The following DOCK1 variants were observed in gnomAD, a reference collection of about 807,000 sequenced individuals.
DOCK1 encodes dedicator of cytokinesis protein 1.
In DOCK1, 138 loss-of-function variants were observed where a neutral mutation model predicts 262.7. The ratio of observed to expected loss-of-function variants is 0.53; its 90% confidence interval spans 0.46 to 0.61. The LOEUF is 0.61. DOCK1 is among the 20% of genes least tolerant of loss of function. The pLI, the probability that DOCK1 is intolerant of heterozygous loss-of-function variation, is 0.00. For missense variants in DOCK1, 1,908 were observed against 2,370.7 expected (o/e 0.80, Z 4.05); for synonymous variants, 866 against 867.4 (o/e 1.00, Z 0.03).
chr10:127,095,605 C>T (rs749110377), intron 23 of DOCK1, among the ~76,000 whole-genome samples: 1 of 151,828 alleles, frequency 6.6e-6, no homozygotes, highest in South Asian at 2.1e-4. Context: ...ACCCAAAGGC[C>T]GAGGAATTTT....
At chr10:127,062,906 C>T (rs1392151860) in intron 23 of DOCK1, among the ~76,000 whole-genome samples, 1 of 152,178 alleles carries the variant, frequency 6.6e-6, no homozygotes, top group East Asian at 1.9e-4. Context: ...CTTTTGATGA[C>T]CTGGTCTCAC....
chr10:127,218,819 TG>T (rs2058315155), intron 27 of DOCK1, among the ~76,000 whole-genome samples: 1 of 152,168 alleles, frequency 6.6e-6, no homozygotes, highest in Non-Finnish European at 1.5e-5. Context: ...GTGGTTCTGG[TG>T]GCTGGGAAGT....
chr10:127,186,520 C>A (rs996025480), intron 27 of DOCK1, among the ~76,000 whole-genome samples: 3 of 81,742 alleles, frequency 3.7e-5, no homozygotes, highest in Non-Finnish European at 6.5e-5. Context: ...CCCCCGCCCC[C>A]CCCCGATCCA....
intron 1 of DOCK1, among the ~76,000 whole-genome samples, chr10:126,938,140 G>C (rs1423937950): frequency 6.6e-6 from 1 of 151,716 alleles, no homozygotes; most frequent in African/African-American, 2.4e-5. Context: ...TCTGCCTCCT[G>C]GGTTCAAGCT....
intron 1 of DOCK1, among the ~76,000 whole-genome samples, chr10:126,948,985 C>A (rs945355458): frequency 6.6e-6 from 1 of 152,214 alleles, no homozygotes; most frequent in South Asian, 2.1e-4. Flanking sequence ...CCGGGCCCAC[C>A]CCCTGGACCC....
intron 2 of DOCK1, 52 bp downstream of exon 2, chr10:126,970,837 C>A: frequency 1.3e-6 from 2 of 1,579,132 alleles, no homozygotes; most frequent in South Asian, 2.3e-5. Context: ...AGATGGCACA[C>A]CTTCTCAGTG....
chr10:127,111,591 A>G (rs1592069735), intron 25 of DOCK1, among the ~76,000 whole-genome samples: 1 of 152,154 alleles, frequency 6.6e-6, no homozygotes, highest in East Asian at 1.9e-4. Context: ...GCTTAAGGAA[A>G]GGCTGATGAT....
chr10:127,426,053 C>T, intron 47 of DOCK1, 42 bp downstream of exon 47: 1 of 1,610,464 alleles, frequency 6.2e-7, no homozygotes, highest in Non-Finnish European at 8.5e-7. Context: ...GAGTGGGTGT[C>T]TGGGCATCCC....
intron 35 of DOCK1, among the ~76,000 whole-genome samples, chr10:127,379,133 G>C (rs566914224): frequency 2.2e-4 from 34 of 152,268 alleles, no homozygotes; most frequent in Admixed American, 3.9e-4. Context: ...AAGTGACTCT[G>C]ATGTTTCCTT....
chr10:127,449,224 G>C (rs569364038), intron 51 of DOCK1, among the ~76,000 whole-genome samples: 4 of 152,302 alleles, frequency 2.6e-5, no homozygotes, highest in Admixed American at 1.3e-4. Flanking sequence ...AGTAAAAGGA[G>C]ATTCGGGGGG....
intron 29 of DOCK1, among the ~76,000 whole-genome samples, chr10:127,273,586 A>T (rs915212022): frequency 3.6e-4 from 55 of 152,328 alleles, no homozygotes; most frequent in African/African-American, 1.3e-3. Context: ...AGGTATTTTG[A>T]ATTAGCTGTT....
intron 1 of DOCK1, among the ~76,000 whole-genome samples, chr10:126,951,479 GTAT>G (rs1276274975): frequency 6.6e-5 from 10 of 151,648 alleles, no homozygotes; most frequent in Non-Finnish European, 1.2e-4. Flanking sequence ...AGTATTCGTA[GTAT>G]TGTTGGTGAT....
chr10:127,006,888 G>A (rs1232233424), intron 10 of DOCK1, among the ~76,000 whole-genome samples: 2 of 151,214 alleles, frequency 1.3e-5, no homozygotes, highest in East Asian at 1.9e-4. Context: ...GGGCCTGCTC[G>A]GGTCAGACTC....
chr10:127,420,226 T>C (rs547354162), intron 46 of DOCK1, among the ~76,000 whole-genome samples: 17 of 152,194 alleles, frequency 1.1e-4, no homozygotes, highest in Non-Finnish European at 2.1e-4. Flanking sequence ...CCAGCTGAAG[T>C]TGTGCAAGTT....
Position 127,024,594 on chromosome 10 carries a change from C to A in DOCK1, c.1453-91C>A, listed in dbSNP as rs933752921. On this transcript the variant is annotated intron_variant, in intron 14 of 51. Coordinates refer to ENST00000623213, the MANE Select transcript of DOCK1 (RefSeq NM_001290223.2). ...TGGGGGTGTGTTGGTGTTCTTGGAG[C>A]GTACCTGTCCCCCCACATATATAGT... 18 of 1,071,516 alleles carry A rather than the reference C, an allele frequency of 1.7e-5. No homozygotes were observed. In the African/African-American group the frequency reaches 1.9e-4, roughly 11 times the overall value. The allele number at this position is 1,071,516 out of a possible 1,614,324, so 66.4% of individuals were successfully genotyped here.
intron 33 of DOCK1, among the ~76,000 whole-genome samples, chr10:127,363,805 T>G (rs2064733312): frequency 6.6e-6 from 1 of 152,042 alleles, no homozygotes; most frequent in South Asian, 2.1e-4. Flanking sequence ...ACCAAAACAG[T>G]CTCCACACTG....
At chr10:127,232,350 T>A (rs778012570) in intron 27 of DOCK1, among the ~76,000 whole-genome samples, 8 of 152,100 alleles carry the variant, frequency 5.3e-5, no homozygotes, top group Non-Finnish European at 1.0e-4. Context: ...CTGTACAAAG[T>A]CTCTTGTTTT....
chr10:127,037,148 G>A (rs2043689252), intron 18 of DOCK1, among the ~76,000 whole-genome samples: 1 of 151,740 alleles, frequency 6.6e-6, no homozygotes, highest in South Asian at 2.1e-4. Context: ...ACAAACTTCT[G>A]TGGAAGCCCA....
At chr10:127,165,489 T>G (rs1439661595) in intron 27 of DOCK1, among the ~76,000 whole-genome samples, 1 of 152,188 alleles carries the variant, frequency 6.6e-6, no homozygotes, top group Non-Finnish European at 1.5e-5. Context: ...TTTACTGCCT[T>G]TTTGGTTGAA....
Sources: gnomAD v4.1 joint callset for allele counts (sites outside exome capture counted in the v4.1 genomes callset) on GRCh38, gnomAD v4.1.1 for gene constraint, MANE v1.5 for transcripts, NCBI Gene and HGNC (gene_info 2026-07-23, HGNC 2026-07-21) for gene names.